The following CDH13 variants were observed in gnomAD, a reference collection of about 807,000 sequenced individuals.
The protein encoded by CDH13 is cadherin-13.
CDH13 carries 24 observed loss-of-function variants against 63.8 expected under a neutral mutation model. That is an observed-to-expected ratio of 0.38 (90% confidence interval 0.27 to 0.53). The LOEUF is 0.53. CDH13 is among the 20% of genes least tolerant of loss of function. The pLI is 0.85. For synonymous variants in CDH13, 503 were observed against 355.3 expected (o/e 1.42, Z -4.67); for missense variants, 1,049 against 903.1 (o/e 1.16, Z -2.07).
At chr16:82,679,683 C>T (rs556466800) in intron 1 of CDH13, among the ~76,000 whole-genome samples, 1 of 152,114 alleles carries the variant, frequency 6.6e-6, no homozygotes, top group East Asian at 1.9e-4. Flanking sequence ...GTTATGTATT[C>T]GTCGTCAGAT....
At chr16:83,057,542 C>T (rs575071469) in intron 3 of CDH13, among the ~76,000 whole-genome samples, 7 of 151,826 alleles carry the variant, frequency 4.6e-5, no homozygotes, top group South Asian at 4.2e-4. Context: ...GGATGACTCC[C>T]GCTTTTATTG....
At chr16:82,666,688 A>G (rs1912626675) in intron 1 of CDH13, among the ~76,000 whole-genome samples, 1 of 152,198 alleles carries the variant, frequency 6.6e-6, no homozygotes, top group Admixed American at 6.5e-5. Context: ...CATCTTTCTT[A>G]TTTGTGGTGC....
chr16:82,742,312 A>AT (rs1567488183), intron 1 of CDH13, among the ~76,000 whole-genome samples: 1 of 152,118 alleles, frequency 6.6e-6, no homozygotes, highest in African/African-American at 2.4e-5. Context: ...TCTTATTTTT[A>AT]TTTTTTTCTT....
chr16:83,736,078 A>G (rs2150956984), intron 10 of CDH13, among the ~76,000 whole-genome samples: 1 of 152,312 alleles, frequency 6.6e-6, no homozygotes, highest in African/African-American at 2.4e-5. Context: ...GCTGCTTAGA[A>G]AAAGCCACCC....
At chr16:83,077,789 AT>A (rs891652954) in intron 3 of CDH13, among the ~76,000 whole-genome samples, 5 of 152,128 alleles carry the variant, frequency 3.3e-5, no homozygotes, top group African/African-American at 4.8e-5. Flanking sequence ...GTGTTCACTT[AT>A]TTTTCTGAAT....
intron 3 of CDH13, among the ~76,000 whole-genome samples, chr16:83,069,753 A>G (rs942172783): frequency 6.6e-6 from 1 of 152,104 alleles, no homozygotes; most frequent in African/African-American, 2.4e-5. Flanking sequence ...TCCAGTGCTA[A>G]CCCTGTTCAG....
intron 1 of CDH13, among the ~76,000 whole-genome samples, chr16:82,668,409 G>A (rs917936773): frequency 4.6e-5 from 7 of 152,150 alleles, no homozygotes; most frequent in Admixed American, 1.3e-4. Context: ...TCCATGAGGG[G>A]TAAAATAAGT....
chr16:83,561,800 A>C (rs1179518275), intron 7 of CDH13, among the ~76,000 whole-genome samples: 1 of 152,202 alleles, frequency 6.6e-6, no homozygotes, highest in Admixed American at 6.5e-5. Context: ...CATCAACTAC[A>C]ACATTGTTCC....
intron 7 of CDH13, among the ~76,000 whole-genome samples, chr16:83,508,136 G>GAGGGAGGGAGGAAGGA (rs1567722416): frequency 1.4e-5 from 1 of 69,766 alleles, no homozygotes; most frequent in African/African-American, 5.7e-5. Context: ...GAAGGAAAGG[G>GAGGGAGGGAGGAAGGA]AAGGGGAGGG....
At chr16:83,172,336 A>C (rs1333741896) in intron 4 of CDH13, among the ~76,000 whole-genome samples, 1 of 152,014 alleles carries the variant, frequency 6.6e-6, no homozygotes, top group Non-Finnish European at 1.5e-5. Context: ...TAAAAATATG[A>C]AAAATTTAGC....
chr16:83,556,684 C>G (rs974042270), intron 7 of CDH13, among the ~76,000 whole-genome samples: 2 of 152,214 alleles, frequency 1.3e-5, no homozygotes, highest in African/African-American at 2.4e-5. Flanking sequence ...GAAACAGAAA[C>G]TATTTCCACA....
At chr16:83,185,496 A>C (rs9931447) in intron 4 of CDH13, among the ~76,000 whole-genome samples, 15,086 of 152,208 alleles carry the variant, frequency 0.099, 1,586 homozygotes, top group African/African-American at 0.27. Context: ...ATTTGATGCT[A>C]AACGCTATAT....
intron 2 of CDH13, among the ~76,000 whole-genome samples, chr16:82,875,526 G>A (rs1230005408): frequency 6.6e-6 from 1 of 152,120 alleles, no homozygotes; most frequent in African/African-American, 2.4e-5. Context: ...TTAGGACAGT[G>A]CTTTTCAAAC....
intron 8 of CDH13, among the ~76,000 whole-genome samples, chr16:83,628,361 G>A (rs1910503611): frequency 6.6e-6 from 1 of 152,154 alleles, no homozygotes; most frequent in Admixed American, 6.5e-5. Context: ...GCCCACCTCA[G>A]CCTCCTAAAA....
intron 4 of CDH13, among the ~76,000 whole-genome samples, chr16:83,139,619 CT>C: frequency 6.6e-6 from 1 of 151,998 alleles, no homozygotes; most frequent in African/African-American, 2.4e-5. Context: ...CTGTTTTTTC[CT>C]TTTGCAAATC....
intron 1 of CDH13, among the ~76,000 whole-genome samples, chr16:82,834,675 A>G (rs1406946254): frequency 6.6e-6 from 1 of 152,090 alleles, no homozygotes; most frequent in East Asian, 1.9e-4. Flanking sequence ...CTGCCTGATA[A>G]ATGTCTGTCT....
chr16:83,578,562 C>G (rs1470982122), intron 7 of CDH13, among the ~76,000 whole-genome samples: 1 of 152,134 alleles, frequency 6.6e-6, no homozygotes, highest in Non-Finnish European at 1.5e-5. Context: ...AGGGCAGGTC[C>G]AGTTTGGAGA....
At chr16:83,763,970 G>C (rs142281322) in intron 11 of CDH13, among the ~76,000 whole-genome samples, 42 of 152,206 alleles carry the variant, frequency 2.8e-4, no homozygotes, top group Non-Finnish European at 5.3e-4. Flanking sequence ...AATGATAGCC[G>C]AGAGACTTAC....
intron 3 of CDH13, among the ~76,000 whole-genome samples, chr16:83,058,271 A>G (rs1447474842): frequency 2.0e-5 from 3 of 152,030 alleles, no homozygotes; most frequent in Admixed American, 6.5e-5. Context: ...CTGGGGAAAA[A>G]CTGGATTTCG....
Sources: allele counts gnomAD v4.1 joint callset (sites outside exome capture counted in the v4.1 genomes callset), GRCh38; gene constraint gnomAD v4.1.1; transcripts MANE v1.5; gene names NCBI Gene and HGNC (gene_info 2026-07-23, HGNC 2026-07-21).